The following MYO1E variants were observed in gnomAD, a reference collection of about 807,000 sequenced individuals.
The protein encoded by MYO1E is myosin IE.
In MYO1E, 68 loss-of-function variants were observed where a neutral mutation model predicts 151.1. The observed-to-expected ratio is 0.45, with a 90% CI of 0.37 to 0.55. The LOEUF (loss-of-function observed/expected upper bound fraction) is 0.55. Ranked by LOEUF, MYO1E falls within the 20% of genes least tolerant of loss-of-function variation. The pLI, the probability that MYO1E is intolerant of heterozygous loss-of-function variation, is 0.00. For missense variants in MYO1E, 1,363 were observed against 1,389.3 expected (o/e 0.98, Z 0.30); for synonymous variants, 601 against 501.7 (o/e 1.20, Z -2.64).
chr15:59,331,346 C>G (rs1567016955), intron 1 of MYO1E, among the ~76,000 whole-genome samples: 1 of 152,138 alleles, frequency 6.6e-6, no homozygotes, highest in Non-Finnish European at 1.5e-5. Context: ...CCTTCCTTTT[C>G]CAACCCCCAT....
At chr15:59,166,131 G>A (rs1008322832) in intron 22 of MYO1E, among the ~76,000 whole-genome samples, 11 of 152,208 alleles carry the variant, frequency 7.2e-5, no homozygotes, top group Non-Finnish European at 1.2e-4. Flanking sequence ...TGGACACTTT[G>A]ACTTTAACCA....
intron 26 of MYO1E, among the ~76,000 whole-genome samples, chr15:59,144,619 A>C (rs150610926): frequency 1.1e-3 from 171 of 151,972 alleles, no homozygotes; most frequent in African/African-American, 3.9e-3. Flanking sequence ...TGATTCTAGG[A>C]AAGTTTTACA....
At position 59,361,843 on chromosome 15, in the gene MYO1E, T is replaced by A. The variant is rs115826848; in HGVS notation, c.3+10655A>T. Among the ~76,000 whole-genome samples the A allele has an allele frequency of 6.5e-3, 991 of 152,200 alleles. 12 individuals carry two copies. The highest frequency in any genetic ancestry group is 0.02 in the African/African-American group (835 of 41,534). ...TTTTTAATTAATTTATTAATTAATT[T>A]ATTTATTTTTTGAGATGGAGTCTGG... On this transcript the variant is annotated intron_variant, in intron 1 of 27. Transcript: ENST00000288235.
intron 1 of MYO1E, among the ~76,000 whole-genome samples, chr15:59,273,279 C>T (rs1039239997): frequency 1.3e-5 from 2 of 152,172 alleles, no homozygotes; most frequent in African/African-American, 4.8e-5. Flanking sequence ...TTTCATTTGG[C>T]ATTTCTGTAG....
intron 25 of MYO1E, among the ~76,000 whole-genome samples, chr15:59,157,806 A>C (rs993720721): frequency 6.6e-6 from 1 of 152,208 alleles, no homozygotes; most frequent in Non-Finnish European, 1.5e-5. Context: ...AAAAGTATAG[A>C]TAGGTTTTGG....
chr15:59,360,872 C>G (rs2080881119), intron 1 of MYO1E, among the ~76,000 whole-genome samples: 2 of 152,194 alleles, frequency 1.3e-5, no homozygotes, highest in Admixed American at 1.3e-4. Context: ...GGAAAGTTGA[C>G]AGAAAAGGTT....
intron 8 of MYO1E, among the ~76,000 whole-genome samples, chr15:59,224,338 C>T (rs774451859): frequency 2.0e-5 from 3 of 152,208 alleles, no homozygotes; most frequent in Non-Finnish European, 4.4e-5. Flanking sequence ...AGTCCATAGA[C>T]GTGCGGTTTG....
chr15:59,170,215 G>T (rs1244031222), intron 22 of MYO1E, among the ~76,000 whole-genome samples: 1 of 152,126 alleles, frequency 6.6e-6, no homozygotes, highest in African/African-American at 2.4e-5. Context: ...GCTCAATTAG[G>T]ATAATTTATG....
intron 15 of MYO1E, among the ~76,000 whole-genome samples, chr15:59,203,249 G>A (rs1241326486): frequency 6.6e-6 from 1 of 152,168 alleles, no homozygotes; most frequent in African/African-American, 2.4e-5. Flanking sequence ...AGCATCCATG[G>A]TCTCTGCTCA....
At position 59,284,640 on chromosome 15, in the gene MYO1E, A is replaced by T. The variant is rs1173499961; in HGVS notation, c.4-12191T>A. Among the ~76,000 whole-genome samples the T allele has an allele frequency of 1.1e-4, 16 of 147,034 alleles. No individual in the cohort carries two copies. The East Asian group carries it at 1.6e-3, about 15-fold the overall frequency. On this transcript the variant is annotated intron_variant, in intron 1 of 27. Coordinates refer to ENST00000288235, the MANE Select transcript of MYO1E (RefSeq NM_004998.4). Reference sequence around the variant, plus strand: ...GTGTTTCTCTACCAAAAAAAAAAAAAATTTTTTTTTTTTTTGTAGAGACAG... The same window carrying T: ...GTGTTTCTCTACCAAAAAAAAAAAATATTTTTTTTTTTTTTGTAGAGACAG...
chr15:59,306,052 C>G (rs527277449), intron 1 of MYO1E, among the ~76,000 whole-genome samples: 2 of 152,246 alleles, frequency 1.3e-5, no homozygotes, highest in East Asian at 3.9e-4. Context: ...AAAACTCCCT[C>G]GTAATTACAG....
At chr15:59,194,640 G>A (rs1047589818) in intron 17 of MYO1E, among the ~76,000 whole-genome samples, 26 of 152,202 alleles carry the variant, frequency 1.7e-4, no homozygotes, top group African/African-American at 6.0e-4. Context: ...GATACTAGGT[G>A]ACGATGGCTA....
At chr15:59,353,389 G>GAAAAGAAAAA (rs2080835656) in intron 1 of MYO1E, among the ~76,000 whole-genome samples, 1 of 140,388 alleles carries the variant, frequency 7.1e-6, no homozygotes, top group African/African-American at 2.6e-5. Context: ...GAAAAGAAAA[G>GAAAAGAAAAA]AAAAGAAAAA....
intron 15 of MYO1E, among the ~76,000 whole-genome samples, chr15:59,203,453 CGCT>C: frequency 1.3e-5 from 2 of 150,988 alleles, no homozygotes; most frequent in East Asian, 3.9e-4. Flanking sequence ...GATCTTGGCT[CGCT>C]GCAACCTCTG....
intron 1 of MYO1E, among the ~76,000 whole-genome samples, chr15:59,360,258 CCA>C (rs2080877812): frequency 6.6e-6 from 1 of 152,092 alleles, no homozygotes; most frequent in South Asian, 2.1e-4. Flanking sequence ...CTTGACGAGC[CCA>C]CAGATAGCAA....
chr15:59,307,695 C>G (rs1285180956), intron 1 of MYO1E, among the ~76,000 whole-genome samples: 1 of 152,050 alleles, frequency 6.6e-6, no homozygotes, highest in African/African-American at 2.4e-5. Context: ...ACGGCAACCT[C>G]TGCCTCCAGG....
chr15:59,301,697 C>A (rs1356448939), intron 1 of MYO1E, among the ~76,000 whole-genome samples: 3 of 152,216 alleles, frequency 2.0e-5, no homozygotes, highest in Non-Finnish European at 4.4e-5. Flanking sequence ...AGAGAAGAGG[C>A]TTAGCACTGG....
intron 16 of MYO1E, among the ~76,000 whole-genome samples, chr15:59,201,398 C>T (rs1291317068): frequency 8.3e-6 from 1 of 120,364 alleles, no homozygotes; most frequent in Non-Finnish European, 1.7e-5. Context: ...CTGGCTGACA[C>T]AGATTTTTTT....
Position 59,138,291 on chromosome 15 carries a change from C to T in MYO1E, c.3157G>A (p.Val1053Met). ...PKPQPKPKPQVPQCKALYAYD... is the reference protein window; with the variant it reads ...PKPQPKPKPQMPQCKALYAYD... ...GCATACAAAGCCTTGCACTGTGGCA[C>T]CTGAGGCTTGGGCTTGGGCTGGGGC... The change falls in exon 27 of 28, where the codon GTG becomes ATG. Residue 1053 changes from valine (V) to methionine (M), a missense_variant. Physicochemically the swap from Val to Met is conservative, Grantham distance 21. Coordinates refer to ENST00000288235, the MANE Select transcript of MYO1E (RefSeq NM_004998.4). The T allele has an allele frequency of 6.2e-7, 1 of 1,614,210 alleles. No homozygotes were observed. The highest frequency in any genetic ancestry group is 8.5e-7 in the Non-Finnish European group (1 of 1,180,032).
Sources: gnomAD v4.1 joint callset for allele counts (sites outside exome capture counted in the v4.1 genomes callset) on GRCh38, gnomAD v4.1.1 for gene constraint, MANE v1.5 for transcripts, NCBI Gene and HGNC (gene_info 2026-07-23, HGNC 2026-07-21) for gene names.